MAP3K5: variants seen among roughly 807,000 people sequenced by gnomAD.
MAP3K5 encodes ASK-1.
Under a neutral mutation model 158.7 loss-of-function variants are expected in MAP3K5, and 56 were observed. The observed-to-expected ratio is 0.35, with a 90% CI of 0.28 to 0.44. MAP3K5 has a LOEUF of 0.44. MAP3K5 is among the 20% of genes least tolerant of loss of function. MAP3K5 has a pLI of 1.00. For missense variants in MAP3K5, 1,294 were observed against 1,674.8 expected (o/e 0.77, Z 3.97); for synonymous variants, 579 against 601.7 (o/e 0.96, Z 0.55).
intron 1 of MAP3K5, among the ~76,000 whole-genome samples, chr6:136,784,434 A>T (rs1784755096): frequency 6.6e-6 from 1 of 152,222 alleles, no homozygotes; most frequent in African/African-American, 2.4e-5. Context: ...CAGTGCTGTC[A>T]GTTTGTGTGC....
chr6:136,737,946 G>A (rs919390494), intron 1 of MAP3K5, among the ~76,000 whole-genome samples: 1 of 152,114 alleles, frequency 6.6e-6, no homozygotes. Context: ...CAGGATGCAG[G>A]GCCTGGGAAG....
chr6:136,605,155 C>T, intron 19 of MAP3K5, 54 bp downstream of exon 19: 1 of 1,566,902 alleles, frequency 6.4e-7, no homozygotes, highest in Non-Finnish European at 8.7e-7. Context: ...CACAGAACAT[C>T]CAACAGCTAT....
intron 2 of MAP3K5, among the ~76,000 whole-genome samples, chr6:136,713,351 G>C (rs1781392743): frequency 6.6e-6 from 1 of 152,206 alleles, no homozygotes; most frequent in East Asian, 1.9e-4. Flanking sequence ...AGTGGGCAAG[G>C]AGTGAGGGTG....
intron 3 of MAP3K5, among the ~76,000 whole-genome samples, chr6:136,700,083 A>C (rs1440916830): frequency 3.3e-5 from 5 of 152,160 alleles, no homozygotes; most frequent in Non-Finnish European, 7.3e-5. Flanking sequence ...GGAGAACGAA[A>C]GAATGAACAA....
chr6:136,619,464 A>AT (rs1487871012), intron 15 of MAP3K5, among the ~76,000 whole-genome samples: 1 of 152,182 alleles, frequency 6.6e-6, no homozygotes, highest in Non-Finnish European at 1.5e-5. Flanking sequence ...AGTTCACAGA[A>AT]AAATTGAGAG....
At chr6:136,669,507 G>T (rs1030228484) in intron 7 of MAP3K5, 112 bp from the exon 8 acceptor site, 1 of 651,562 alleles carries the variant, frequency 1.5e-6, no homozygotes, top group Admixed American at 2.8e-5. Flanking sequence ...ATATTGCACT[G>T]GCCTTCACCC....
chr6:136,737,475 T>C (rs1782526781), intron 1 of MAP3K5, among the ~76,000 whole-genome samples: 1 of 151,998 alleles, frequency 6.6e-6, no homozygotes, highest in Admixed American at 6.6e-5. Context: ...GAAAATGAGA[T>C]AAGCCTGCTG....
At chr6:136,654,534 C>T (rs1778659845) in intron 10 of MAP3K5, among the ~76,000 whole-genome samples, 1 of 152,144 alleles carries the variant, frequency 6.6e-6, no homozygotes, top group East Asian at 1.9e-4. Flanking sequence ...GCAACCTCTG[C>T]CTCCCAGGTT....
chr6:136,646,584 C>T (rs1778268147), intron 11 of MAP3K5, among the ~76,000 whole-genome samples: 1 of 152,188 alleles, frequency 6.6e-6, no homozygotes, highest in Non-Finnish European at 1.5e-5. Flanking sequence ...TTCCTCTAGC[C>T]TCACTCTGTT....
chr6:136,614,033 T>C (rs760873397), intron 16 of MAP3K5, 126 bp downstream of exon 16: 1 of 943,032 alleles, frequency 1.1e-6, no homozygotes, highest in Non-Finnish European at 1.5e-6. Flanking sequence ...GGAGGTAATG[T>C]CACATGTCCA....
chr6:136,584,884 C>T (rs566508477), intron 23 of MAP3K5, among the ~76,000 whole-genome samples: 5 of 152,220 alleles, frequency 3.3e-5, no homozygotes, highest in African/African-American at 4.8e-5. Context: ...TATTGCTATG[C>T]GTGTCTACCT....
intron 19 of MAP3K5, among the ~76,000 whole-genome samples, chr6:136,602,677 A>G (rs1279080857): frequency 1.3e-5 from 2 of 152,166 alleles, no homozygotes; most frequent in South Asian, 2.1e-4. Context: ...CCACTTACAG[A>G]TCTCATCAAA....
Position 136,583,755 on chromosome 6 carries a change from C to T in MAP3K5, c.3226-15G>A. 6.2e-7 allele frequency: 1 copy of T among 1,611,490 alleles called. No homozygotes were observed. Among genetic ancestry groups the T allele is most frequent in the Admixed American group, 1.7e-5 (1 of 59,914 alleles). The stretch of plus-strand genomic sequence containing the variant: ...TCTTCAGCCCCCTGTGAATAAAAAT[C>T]AACAATCCTTACATCAACATATGCT... On this transcript the variant is annotated splice_polypyrimidine_tract_variant and intron_variant, in intron 23 of 29. Transcript: ENST00000359015.
Position 136,642,386 on chromosome 6 carries a change from G to A in MAP3K5, c.1838+134C>T, listed in dbSNP as rs569928876. 7.0e-5 allele frequency: 50 copies of A among 715,138 alleles called. No homozygotes were observed. The South Asian group carries it at 8.1e-4, about 12-fold the overall frequency. The allele number at this position is 715,138 out of a possible 1,614,324, so 44.3% of individuals were successfully genotyped here. A position where few individuals can be genotyped will look rare whatever the true frequency, so the allele number is the denominator to read the frequency against. ...AAAGGAGATAGTGACACTGAAGAAG[G>A]CTGGGCATTTCCACCAATTGAATGA... is the stretch of plus-strand genomic sequence containing the variant. On this transcript the variant is annotated intron_variant, in intron 12 of 29. Coordinates refer to ENST00000359015, the MANE Select transcript of MAP3K5 (RefSeq NM_005923.4).
At chr6:136,689,204 G>C (rs752884674) in intron 7 of MAP3K5, among the ~76,000 whole-genome samples, 47 of 152,198 alleles carry the variant, frequency 3.1e-4, no homozygotes, top group Non-Finnish European at 6.3e-4. Flanking sequence ...GGAGACTGAG[G>C]CAGGAGGACT....
Position 136,771,364 on chromosome 6 carries a change from G to A in MAP3K5, c.448+20346C>T, listed in dbSNP as rs117482459. ...ACTCCAGAGGTGGGGCTTGGACACCGGACCAGATTGAGGACTAGCTAAAAC... is the reference window on the plus strand; with the variant it reads ...ACTCCAGAGGTGGGGCTTGGACACCAGACCAGATTGAGGACTAGCTAAAAC... On this transcript the variant is annotated intron_variant, in intron 1 of 29. Coordinates refer to ENST00000359015, the MANE Select transcript of MAP3K5 (RefSeq NM_005923.4). Among the ~76,000 whole-genome samples the A allele has an allele frequency of 4.1e-3, 628 of 152,124 alleles. 10 individuals carry two copies. In the East Asian group the frequency reaches 0.078, roughly 19 times the overall value.
chr6:136,742,804 A>G (rs1054650553), intron 1 of MAP3K5, among the ~76,000 whole-genome samples: 1 of 152,262 alleles, frequency 6.6e-6, no homozygotes, highest in African/African-American at 2.4e-5. Flanking sequence ...AAACTAAAAA[A>G]TAAGAAAACA....
intron 2 of MAP3K5, among the ~76,000 whole-genome samples, chr6:136,707,918 G>A (rs1335077652): frequency 6.6e-6 from 1 of 152,024 alleles, no homozygotes; most frequent in Admixed American, 6.6e-5. Context: ...TGATAGAGAA[G>A]GATCTCCCAG....
intron 18 of MAP3K5, among the ~76,000 whole-genome samples, chr6:136,607,914 T>C (rs1321889372): frequency 6.6e-6 from 1 of 152,182 alleles, no homozygotes. Flanking sequence ...AGTGACATGT[T>C]ATGACCAAAA....
Sources: gnomAD v4.1 joint callset for allele counts (sites outside exome capture counted in the v4.1 genomes callset) on GRCh38, gnomAD v4.1.1 for gene constraint, MANE v1.5 for transcripts, NCBI Gene and HGNC (gene_info 2026-07-23, HGNC 2026-07-21) for gene names.